Variants in LRRC4C observed in about 807,000 individuals in gnomAD.
LRRC4C encodes leucine-rich repeat-containing protein 4C.
A neutral mutation model predicts 33.6 loss-of-function variants in LRRC4C; 5 were observed. That is an observed-to-expected ratio of 0.15 (90% CI 0.08 to 0.31). The LOEUF (loss-of-function observed/expected upper bound fraction) is 0.31. Ranked by LOEUF, LRRC4C falls within the 10% of genes least tolerant of loss-of-function variation. The probability of loss-of-function intolerance (pLI) is 1.00; values close to 1 mark genes in which losing one functional copy is unlikely to be tolerated. For missense variants in LRRC4C, 560 were observed against 796.7 expected, an observed-to-expected ratio of 0.70 and a Z score of 3.58; for synonymous variants, 329 against 302.0, an observed-to-expected ratio of 1.09 and a Z score of -0.93.
At chr11:40,785,505 C>T (rs1193209380) in intron 2 of LRRC4C, among the ~76,000 whole-genome samples, 1 of 152,020 alleles carries the variant, frequency 6.6e-6, no homozygotes, top group African/African-American at 2.4e-5. Flanking sequence ...TCCATAAAAC[C>T]CATTTCCTCT....
intron 2 of LRRC4C, among the ~76,000 whole-genome samples, chr11:40,903,590 C>G (rs1956297604): frequency 6.6e-6 from 1 of 152,028 alleles, no homozygotes; most frequent in Non-Finnish European, 1.5e-5. Context: ...CCATTGAGAA[C>G]AATTGTGATT....
chr11:40,258,579 G>C (rs1016626378), intron 4 of LRRC4C, among the ~76,000 whole-genome samples: 1 of 152,102 alleles, frequency 6.6e-6, no homozygotes, highest in Non-Finnish European at 1.5e-5. Flanking sequence ...GTCATATTTT[G>C]TGACCAGTTA....
intron 1 of LRRC4C, among the ~76,000 whole-genome samples, chr11:41,308,168 G>C (rs999322902): frequency 7.9e-5 from 12 of 152,184 alleles, no homozygotes; most frequent in Admixed American, 7.2e-4. Flanking sequence ...TTCACCAAAG[G>C]TAGCTTGCGG....
rs1859036251 is a variant in LRRC4C at position 40,160,166 on chromosome 11, A to G, written c.-95-19313T>C. Among the ~76,000 whole-genome samples the G allele has an allele frequency of 2.6e-5, 4 of 151,330 alleles. No individual in the cohort carries two copies. The South Asian group carries it at 8.5e-4, about 32-fold the overall frequency. On this transcript the variant is annotated intron_variant, in intron 5 of 6. Transcript: ENST00000528697. ...AACAAAGGCAAAAATGGACCAGAGAAGAGTTGCGAAGATTTTTTTTTTTTT... is the reference window on the plus strand; with the variant it reads ...AACAAAGGCAAAAATGGACCAGAGAGGAGTTGCGAAGATTTTTTTTTTTTT...
intron 1 of LRRC4C, among the ~76,000 whole-genome samples, chr11:41,189,312 TA>T (rs1227093944): frequency 6.6e-6 from 1 of 151,840 alleles, no homozygotes; most frequent in African/African-American, 2.4e-5. Context: ...TTAAGACAAG[TA>T]AAAAAAGACA....
intron 2 of LRRC4C, among the ~76,000 whole-genome samples, chr11:40,736,991 C>T (rs1947900680): frequency 2.0e-5 from 3 of 151,956 alleles, no homozygotes; most frequent in Non-Finnish European, 4.4e-5. Flanking sequence ...TACAGAAGCT[C>T]TTTAGTTTAA....
At chr11:40,326,416 G>T (rs1394377755) in intron 3 of LRRC4C, among the ~76,000 whole-genome samples, 1 of 152,008 alleles carries the variant, frequency 6.6e-6, no homozygotes, top group Non-Finnish European at 1.5e-5. Context: ...ACAAAAATTA[G>T]CTGGGCATGG....
chr11:40,441,038 G>T (rs1951371541), intron 3 of LRRC4C, among the ~76,000 whole-genome samples: 1 of 152,068 alleles, frequency 6.6e-6, no homozygotes, highest in African/African-American at 2.4e-5. Context: ...ACTAAGCAGG[G>T]TTCAACTTGA....
Position 40,314,603 on chromosome 11 carries a change from C to G in LRRC4C, c.-176+5025G>C, listed in dbSNP as rs76235755. Reference sequence around the variant, plus strand: ...AGGAAGAGACATCTACATTCCCTTGCTTATTGCAGTATTACTGGCAATAGC... The same window carrying G: ...AGGAAGAGACATCTACATTCCCTTGGTTATTGCAGTATTACTGGCAATAGC... On this transcript the variant is annotated intron_variant, in intron 4 of 6. Transcript: ENST00000528697. Among the ~76,000 whole-genome samples, 621 of 152,208 alleles carry G rather than the reference C, an allele frequency of 4.1e-3. 10 individuals are homozygous for G. Among genetic ancestry groups the G allele is most frequent in the African/African-American group, 0.014 (578 of 41,480 alleles).
chr11:40,706,841 G>T (rs945912011), intron 2 of LRRC4C, among the ~76,000 whole-genome samples: 1 of 152,172 alleles, frequency 6.6e-6, no homozygotes, highest in African/African-American at 2.4e-5. Flanking sequence ...CTATCCACGA[G>T]CATGGAATGT....
chr11:40,857,269 A>G lies in LRRC4C; in HGVS notation c.-407+76366T>C, dbSNP rs1449278363. Among the ~76,000 whole-genome samples the G allele has an allele frequency of 1.3e-5, 2 of 152,196 alleles. 1 individual carries two copies. The highest frequency in any genetic ancestry group is 2.9e-5 in the Non-Finnish European group (2 of 68,038). On this transcript the variant is annotated intron_variant, in intron 2 of 6. Transcript: ENST00000528697. ...CAGGTTTGTTATGTAAATATGTGCC[A>G]TGGTGGTTTGCTGTACTCATCAACC...
intron 3 of LRRC4C, among the ~76,000 whole-genome samples, chr11:40,632,723 A>G (rs1963574038): frequency 6.6e-6 from 1 of 151,552 alleles, no homozygotes; most frequent in Non-Finnish European, 1.5e-5. Context: ...CAGGTATTTC[A>G]TCTTATTTAT....
intron 2 of LRRC4C, among the ~76,000 whole-genome samples, chr11:40,666,033 T>C (rs1943790094): frequency 6.6e-6 from 1 of 152,140 alleles, no homozygotes; most frequent in African/African-American, 2.4e-5. Flanking sequence ...TGTGTTCATG[T>C]GTACAGGTCC....
chr11:40,363,972 A>G (rs1350426507), intron 3 of LRRC4C, among the ~76,000 whole-genome samples: 3 of 152,196 alleles, frequency 2.0e-5, no homozygotes, highest in Admixed American at 1.3e-4. Flanking sequence ...ATATTCGTAC[A>G]TATTTTTCTC....
intron 1 of LRRC4C, among the ~76,000 whole-genome samples, chr11:40,997,965 C>T (rs547491472): frequency 6.6e-6 from 1 of 152,140 alleles, no homozygotes; most frequent in Non-Finnish European, 1.5e-5. Flanking sequence ...ACTTAGTTTT[C>T]CATTAAACCA....
chr11:41,452,185 T>C (rs943388629), intron 1 of LRRC4C, among the ~76,000 whole-genome samples: 2 of 152,120 alleles, frequency 1.3e-5, no homozygotes, highest in Non-Finnish European at 2.9e-5. Flanking sequence ...AATCATATGG[T>C]TGAAAAAATG....
chr11:40,782,101 A>AT (rs1049838159), intron 2 of LRRC4C, among the ~76,000 whole-genome samples: 1 of 152,072 alleles, frequency 6.6e-6, no homozygotes, highest in African/African-American at 2.4e-5. Flanking sequence ...GGCATTACTG[A>AT]TTTTGCTTCC....
intron 2 of LRRC4C, among the ~76,000 whole-genome samples, chr11:40,672,257 T>G (rs10768621): frequency 0.42 from 63,770 of 151,776 alleles, 13,723 homozygotes; most frequent in East Asian, 0.61. Flanking sequence ...GGAGTGAGGG[T>G]TCTCTCTTGG....
chr11:41,226,165 C>T (rs928154528), intron 1 of LRRC4C, among the ~76,000 whole-genome samples: 2 of 152,062 alleles, frequency 1.3e-5, no homozygotes, highest in Non-Finnish European at 1.5e-5. Context: ...TTCCCAAAAG[C>T]CTTGGCCAGT....
Sources: allele counts gnomAD v4.1 joint callset (sites outside exome capture counted in the v4.1 genomes callset), GRCh38; gene constraint gnomAD v4.1.1; transcripts MANE v1.5; gene names NCBI Gene and HGNC (gene_info 2026-07-23, HGNC 2026-07-21).